PMFBP1: variants seen among roughly 807,000 people sequenced by gnomAD.
The protein encoded by PMFBP1 is polyamine-modulated factor 1-binding protein 1.
PMFBP1 carries 131 observed loss-of-function variants against 137.8 expected under a neutral mutation model. That is an observed-to-expected ratio of 0.95 (90% CI 0.82 to 1.10). PMFBP1 has a LOEUF of 1.10. PMFBP1 is among the 50% of genes least tolerant of loss of function. The pLI, the probability that PMFBP1 is intolerant of heterozygous loss-of-function variation, is 0.00. For synonymous variants in PMFBP1, 490 were observed against 450.4 expected (o/e 1.09, Z -1.11); for missense variants, 1,199 against 1,175.4 (o/e 1.02, Z -0.29).
the PMFBP1 span, among the ~76,000 whole-genome samples, chr16:72,237,243 G>C: frequency 3.3e-5 from 5 of 152,270 alleles, no homozygotes; most frequent in African/African-American, 1.2e-4. Context: ...AACGTTATTT[G>C]GTTAGGTTCT....
At chr16:72,136,962 G>A (rs994662983) in intron 7 of PMFBP1, 143 bp from the exon 8 acceptor site, 16 of 1,117,080 alleles carry the variant, frequency 1.4e-5, no homozygotes, top group South Asian at 6.1e-5. Context: ...ATGGGTGTGC[G>A]GAGTGACTGC....
In PMFBP1 at chr16:72,130,726, C is replaced by T; in HGVS notation, c.1448-4G>A. ...TTGCACTGGGCTGCTTGCTGAGCTG[C>T]AGAAGCAGGGAGATGGCCATGTGAG... On this transcript the variant is annotated splice_region_variant and splice_polypyrimidine_tract_variant and intron_variant, in intron 10 of 20. Coordinates refer to ENST00000237353, the MANE Select transcript of PMFBP1 (RefSeq NM_031293.3). 1 of 1,607,290 alleles carries T rather than the reference C, an allele frequency of 6.2e-7. No homozygotes were observed. Among genetic ancestry groups the T allele is most frequent in the Non-Finnish European group, 8.5e-7 (1 of 1,178,086 alleles).
intron 14 of PMFBP1, 33 bp from the exon 15 acceptor site, chr16:72,126,165 C>T (rs758094556): frequency 9.9e-6 from 16 of 1,608,780 alleles, no homozygotes. Context: ...TGTCAGGGTG[C>T]CAGGTCAGGG....
chr16:72,165,018 T>G, intron 2 of PMFBP1, 102 bp from the exon 3 acceptor site: 1 of 1,304,776 alleles, frequency 7.7e-7, no homozygotes. Flanking sequence ...TGCTGGAAAT[T>G]TGTCCATCAA....
the PMFBP1 span, among the ~76,000 whole-genome samples, chr16:72,214,320 G>C: frequency 6.6e-6 from 1 of 151,894 alleles, no homozygotes; most frequent in African/African-American, 2.4e-5. Flanking sequence ...TCAGCCTCCC[G>C]AGTAACTGGG....
chr16:72,172,916 T>C (rs571554352), upstream of PMFBP1, among the ~76,000 whole-genome samples: 2 of 152,308 alleles, frequency 1.3e-5, no homozygotes, highest in African/African-American at 4.8e-5. Context: ...CTTCAATTTG[T>C]TAAAAATGCA....
rs1298406421 is a variant in PMFBP1 at position 72,140,533 on chromosome 16, G to C, written c.686C>G (p.Pro229Arg). ...DHSKVRIYTSPCMIQEHQETQ... is the reference protein window; with the variant it reads ...DHSKVRIYTSRCMIQEHQETQ... ...CTCCTGATGCTCTTGAATCATGCAA[G>C]GAGAAGTGTATATCCGTACCTTTGA... is the stretch of plus-strand genomic sequence containing the variant. The change falls in exon 6 of 21, where the codon CCT (proline) becomes CGT (arginine). Residue 229 changes from proline to arginine, a missense_variant. By Grantham distance (103) the Pro-to-Arg change is moderately radical (BLOSUM62 -2). Coordinates refer to ENST00000237353, the MANE Select transcript of PMFBP1 (RefSeq NM_031293.3). 5 of 1,613,542 alleles carry C rather than the reference G, an allele frequency of 3.1e-6. No homozygotes were observed. Among genetic ancestry groups the C allele is most frequent in the East Asian group, 2.2e-5 (1 of 44,872 alleles).
intron 19 of PMFBP1, among the ~76,000 whole-genome samples, chr16:72,122,156 T>G (rs2042385929): frequency 6.6e-6 from 1 of 152,220 alleles, no homozygotes; most frequent in Admixed American, 6.5e-5. Context: ...GTACTTGGTT[T>G]TCTATTCCTG....
At chr16:72,244,208 A>G in the PMFBP1 span, among the ~76,000 whole-genome samples, 4 of 152,186 alleles carry the variant, frequency 2.6e-5, no homozygotes, top group Non-Finnish European at 4.4e-5. Context: ...CAAATGAAAA[A>G]TACTTATTAA....
chr16:72,132,854 C>T lies in PMFBP1; in HGVS notation c.1341G>A (p.Glu447=), dbSNP rs766284564. 4.3e-6 allele frequency: 7 copies of T among 1,614,108 alleles called. No individual in the cohort carries two copies. Among genetic ancestry groups the T allele is most frequent in the African/African-American group, 4.0e-5 (3 of 74,928 alleles). ...MATELEMTVK[E]AKQDKSKEAE... ...CCTCCTTGGACTTGTCCTGCTTAGC[C>T]TCCTTGACTGTCATTTCAAGTTCTG... is the stretch of plus-strand genomic sequence containing the variant. Residue 447 remains glutamate (E), a synonymous_variant, in exon 10 of 21, where the codon GAG becomes GAA. Coordinates refer to ENST00000237353, the MANE Select transcript of PMFBP1 (RefSeq NM_031293.3).
chr16:72,182,822 G>A, the PMFBP1 span, among the ~76,000 whole-genome samples: 7 of 152,266 alleles, frequency 4.6e-5, no homozygotes, highest in South Asian at 1.0e-3. Context: ...ATGGAGTTGC[G>A]CTGGGTTTTC....
At chr16:72,141,811 T>A (rs889009252) in intron 5 of PMFBP1, among the ~76,000 whole-genome samples, 1 of 152,146 alleles carries the variant, frequency 6.6e-6, no homozygotes, top group African/African-American at 2.4e-5. Context: ...GACTCCCAGA[T>A]CATATTTAAA....
chr16:72,232,799 G>A, the PMFBP1 span, among the ~76,000 whole-genome samples: 41 of 152,260 alleles, frequency 2.7e-4, no homozygotes, highest in Non-Finnish European at 5.9e-5. Flanking sequence ...TCCTATGGAA[G>A]TGGGAGTTCT....
the PMFBP1 span, among the ~76,000 whole-genome samples, chr16:72,237,231 G>A: frequency 2.0e-5 from 3 of 152,162 alleles, no homozygotes; most frequent in Non-Finnish European, 4.4e-5. Flanking sequence ...AGAGATAGGA[G>A]GAACGTTATT....
the PMFBP1 span, among the ~76,000 whole-genome samples, chr16:72,245,847 T>G: frequency 6.6e-6 from 1 of 152,218 alleles, no homozygotes; most frequent in Non-Finnish European, 1.5e-5. Flanking sequence ...GAGCTGATAT[T>G]ACACTTGTAT....
At chr16:72,136,958 G>GAC in intron 7 of PMFBP1, 139 bp from the exon 8 acceptor site, 3 of 1,170,564 alleles carry the variant, frequency 2.6e-6, no homozygotes, top group Non-Finnish European at 3.6e-6. Flanking sequence ...GGGGATGGGT[G>GAC]TGCGGAGTGA....
At chr16:72,125,031 G>C (rs1332414766) in intron 16 of PMFBP1, 97 bp from the exon 17 acceptor site, 6 of 1,459,034 alleles carry the variant, frequency 4.1e-6, no homozygotes, top group Non-Finnish European at 5.6e-6. Flanking sequence ...CTTGGGATAC[G>C]TGTTGGGGGT....
In PMFBP1 at chr16:72,171,113, T is replaced by A. The variant is rs1245678345; in HGVS notation, c.12+84A>T. 2.1e-6 allele frequency: 3 copies of A among 1,461,042 alleles called. No individual in the cohort carries two copies. In the African/African-American group the frequency reaches 4.5e-5, roughly 22 times the overall value. 90.5% of individuals were successfully genotyped at this position (1,461,042 alleles called of 1,614,324 possible). On this transcript the variant is annotated intron_variant, in intron 2 of 20. Coordinates refer to ENST00000237353, the MANE Select transcript of PMFBP1 (RefSeq NM_031293.3). ...CATGATATTTTGTGATGCTTATTAC[T>A]GGAATTTTGAATCATAAAACATGAA... is the stretch of plus-strand genomic sequence containing the variant.
chr16:72,243,589 C>A, the PMFBP1 span, among the ~76,000 whole-genome samples: 5 of 152,196 alleles, frequency 3.3e-5, no homozygotes, highest in Non-Finnish European at 5.9e-5. Context: ...ATGTACCCCT[C>A]TTTTTGCCCC....
Sources: gnomAD v4.1 joint callset for allele counts (sites outside exome capture counted in the v4.1 genomes callset) on GRCh38, gnomAD v4.1.1 for gene constraint, MANE v1.5 for transcripts, NCBI Gene and HGNC (gene_info 2026-07-23, HGNC 2026-07-21) for gene names.